Variants in CCDC141 observed in about 807,000 individuals in gnomAD.
CCDC141 encodes coiled-coil domain-containing protein 141.
In CCDC141, 168 loss-of-function variants were observed where a neutral mutation model predicts 181.0. That is an observed-to-expected ratio of 0.93 (90% CI 0.82 to 1.05). The LOEUF (loss-of-function observed/expected upper bound fraction) is 1.05. Ranked by LOEUF, CCDC141 falls within the 50% of genes least tolerant of loss-of-function variation. The probability of loss-of-function intolerance (pLI) is 0.00; values close to 1 mark genes in which losing one functional copy is unlikely to be tolerated. For synonymous variants in CCDC141, 666 were observed against 642.3 expected, an observed-to-expected ratio of 1.04 and a Z score of -0.56; for missense variants, 1,902 against 1,788.5, an observed-to-expected ratio of 1.06 and a Z score of -1.14.
chr2:178,944,599 C>T lies in CCDC141; in HGVS notation c.833G>A (p.Gly278Asp). 1 of 1,537,104 alleles carries T rather than the reference C, an allele frequency of 6.5e-7. No individual in the cohort carries two copies. The highest frequency in any genetic ancestry group is 8.8e-7 in the Non-Finnish European group (1 of 1,140,866). The change falls in exon 6 of 24, where the codon GGT becomes GAT. Residue 278 changes from glycine (G) to aspartate (D), a missense_variant. Coordinates refer to ENST00000443758, the MANE Select transcript of CCDC141 (RefSeq NM_173648.4). Reference protein sequence around the residue: ...TIRNLQEQSLGSSLSDNEDRI... With the variant: ...TIRNLQEQSLDSSLSDNEDRI... ...ATCCTCATTGTCTGAAAGTGATGAA[C>T]CTAGACTTTGTTCCTGTAAATTTCT...
At chr2:178,944,379 G>T (rs115405848) in intron 6 of CCDC141, among the ~76,000 whole-genome samples, 156 bp downstream of exon 6, 1,616 of 152,234 alleles carry the variant, frequency 0.011, 6 homozygotes, top group Non-Finnish European at 0.015. Context: ...TCAATGCACA[G>T]TGGTATTTGC....
At position 178,878,015 on chromosome 2, in the gene CCDC141, C is replaced by G; in HGVS notation, c.1848G>C (p.Lys616Asn). The change falls in exon 12 of 24, where the codon AAG becomes AAC. Residue 616 changes from lysine to asparagine, a missense_variant. Physicochemically the swap from Lys to Asn is moderately conservative, Grantham distance 94. Transcript: ENST00000443758. ...AEKQWQLFLK[K>N]SFITQDLGLE... The stretch of plus-strand genomic sequence containing the variant: ...GCCCTAGATCTTGTGTTATAAAACT[C>G]TTCTTTAAAAATAGCTGCCACTGCT... 2 of 1,613,834 alleles carry G rather than the reference C, an allele frequency of 1.2e-6. No individual in the cohort carries two copies. The highest frequency in any genetic ancestry group is 1.7e-6 in the Non-Finnish European group (2 of 1,179,844).
chr2:178,837,454 G>T lies in CCDC141; in HGVS notation c.3765C>A (p.Thr1255=). Residue 1255 remains threonine, a synonymous_variant, in exon 23 of 24, where the codon ACC becomes ACA. Coordinates refer to ENST00000443758, the MANE Select transcript of CCDC141 (RefSeq NM_173648.4). ...ATTCCTGGGCATCCCCTGGGCTGCT[G>T]GTCCCAGCCTGCACCCCATAGCTGC... is the stretch of plus-strand genomic sequence containing the variant. ...HISSYGVQAG[T]SSPGDAQESV... 1.2e-6 allele frequency: 2 copies of T among 1,614,068 alleles called. No homozygotes were observed. The highest frequency in any genetic ancestry group is 8.5e-7 in the Non-Finnish European group (1 of 1,179,974).
intron 19 of CCDC141, among the ~76,000 whole-genome samples, chr2:178,854,630 G>A (rs186641130): frequency 1.3e-5 from 2 of 152,140 alleles, no homozygotes; most frequent in Non-Finnish European, 2.9e-5. Context: ...GTTAGAAGTT[G>A]GTTTTAAATA....
chr2:179,016,060 T>C (rs1014185746), intron 2 of CCDC141, among the ~76,000 whole-genome samples: 3 of 151,242 alleles, frequency 2.0e-5, no homozygotes, highest in Admixed American at 1.3e-4. Context: ...CTGGATGAGA[T>C]TGGAGACTAT....
In CCDC141 at chr2:178,921,586, T is replaced by C. The variant is rs150477810; in HGVS notation, c.898-2679A>G. Among the ~76,000 whole-genome samples the C allele has an allele frequency of 1.3e-3, 205 of 152,340 alleles. 1 individual carries two copies. The highest frequency in any genetic ancestry group is 4.8e-3 in the African/African-American group (198 of 41,584). Reference sequence around the variant, plus strand: ...TGTTTTTTTTTACTGCAGTACTTCTTGGCATCTTTAATGTATTAATGTGCA... The same window carrying C: ...TGTTTTTTTTTACTGCAGTACTTCTCGGCATCTTTAATGTATTAATGTGCA... On this transcript the variant is annotated intron_variant, in intron 6 of 23. Transcript: ENST00000443758.
chr2:178,882,269 T>C (rs1686660091), intron 11 of CCDC141, among the ~76,000 whole-genome samples: 1 of 152,036 alleles, frequency 6.6e-6, no homozygotes, highest in South Asian at 2.1e-4. Context: ...TACTCCTGGC[T>C]GAGGCAGGAG....
In CCDC141 at chr2:178,865,892, T is replaced by G. The variant is rs1299013462; in HGVS notation, c.2599A>C (p.Asn867His). 38 of 1,593,992 alleles carry G rather than the reference T, an allele frequency of 2.4e-5. No homozygotes were observed. In the Admixed American group the frequency reaches 5.8e-4, roughly 24 times the overall value. ...RPHCSNVSAK[N>H]LQQQLELLEE... is the part of the protein sequence containing the mutation. Reference sequence around the variant, plus strand: ...AGGAGCTCCAGCTGCTGCTGTAGGTTCTTTGCAGAAACATTAGAGCAGTGC... The same window carrying G: ...AGGAGCTCCAGCTGCTGCTGTAGGTGCTTTGCAGAAACATTAGAGCAGTGC... The change falls in exon 17 of 24, where the codon AAC (asparagine) becomes CAC (histidine). Residue 867 changes from asparagine to histidine, a missense_variant. Coordinates refer to ENST00000443758, the MANE Select transcript of CCDC141 (RefSeq NM_173648.4).
intron 2 of CCDC141, among the ~76,000 whole-genome samples, chr2:179,045,157 C>T (rs955781920): frequency 7.3e-6 from 1 of 137,006 alleles, no homozygotes; most frequent in Non-Finnish European, 1.6e-5. Context: ...GCTATCCCTC[C>T]CCCCTCCCCT....
intron 2 of CCDC141, among the ~76,000 whole-genome samples, chr2:179,015,127 A>ATAATATATATATC (rs2042425187): frequency 9.6e-6 from 1 of 103,980 alleles, no homozygotes; most frequent in African/African-American, 3.4e-5. Flanking sequence ...TCATATATAT[A>ATAATATATATATC]TATCATATCA....
rs753887547 is a variant in CCDC141, at chr2:179,049,949, T to C, written c.-8A>G. The C allele has an allele frequency of 1.0e-4, 155 of 1,550,436 alleles. No homozygotes were observed. In the African/African-American group the frequency reaches 1.7e-3, roughly 17 times the overall value. On this transcript the variant is annotated 5_prime_UTR_variant, in exon 1 of 24. Coordinates refer to ENST00000443758, the MANE Select transcript of CCDC141 (RefSeq NM_173648.4). Reference sequence around the variant, plus strand: ...ACTTCCTTGGCTGGACATGGTACTTTAGAACCAGAGTTTATACTTTGGGCA... The same window carrying C: ...ACTTCCTTGGCTGGACATGGTACTTCAGAACCAGAGTTTATACTTTGGGCA...
chr2:178,934,566 G>T (rs1689214455), intron 6 of CCDC141, among the ~76,000 whole-genome samples: 1 of 152,078 alleles, frequency 6.6e-6, no homozygotes, highest in South Asian at 2.1e-4. Context: ...AGAGTCAAAG[G>T]TCGTATTTAA....
At chr2:179,025,455 T>A (rs758470728) in intron 2 of CCDC141, among the ~76,000 whole-genome samples, 1 of 152,154 alleles carries the variant, frequency 6.6e-6, no homozygotes, top group Non-Finnish European at 1.5e-5. Context: ...GCATAAGCTC[T>A]CTCTCTCTTC....
intron 5 of CCDC141, among the ~76,000 whole-genome samples, chr2:178,955,141 C>T (rs1690106968): frequency 6.6e-6 from 1 of 152,014 alleles, no homozygotes; most frequent in South Asian, 2.1e-4. Flanking sequence ...AAAAATATAG[C>T]CGGCATGGTG....
chr2:178,878,385 A>C (rs1009184197), intron 11 of CCDC141, among the ~76,000 whole-genome samples: 3 of 151,296 alleles, frequency 2.0e-5, no homozygotes, highest in Non-Finnish European at 1.5e-5. Context: ...TGCAGCCCCA[A>C]ACTCTTGGGG....
At chr2:178,835,011 CAA>C (rs1684421330) in intron 23 of CCDC141, among the ~76,000 whole-genome samples, 1 of 152,034 alleles carries the variant, frequency 6.6e-6, no homozygotes. Context: ...CCCCTAAAAA[CAA>C]AAACAAAAAC....
intron 11 of CCDC141, among the ~76,000 whole-genome samples, chr2:178,883,948 C>T (rs1001912759): frequency 3.3e-5 from 5 of 151,868 alleles, no homozygotes; most frequent in East Asian, 1.9e-4. Flanking sequence ...AAGGCAGATT[C>T]GAGACTGAAC....
intron 6 of CCDC141, among the ~76,000 whole-genome samples, chr2:178,931,273 G>T (rs941172385): frequency 3.3e-5 from 5 of 152,092 alleles, no homozygotes; most frequent in African/African-American, 4.8e-5. Context: ...GTAACTTCTT[G>T]TAAGTTAAGT....
chr2:178,845,100 A>G (rs946664011), intron 22 of CCDC141, among the ~76,000 whole-genome samples: 75 of 152,330 alleles, frequency 4.9e-4, no homozygotes, highest in African/African-American at 1.7e-3. Context: ...ATACTTTAGT[A>G]TTTATATTTC....
Sources: allele counts gnomAD v4.1 joint callset (sites outside exome capture counted in the v4.1 genomes callset), GRCh38; gene constraint gnomAD v4.1.1; transcripts MANE v1.5; gene names NCBI Gene and HGNC (gene_info 2026-07-23, HGNC 2026-07-21).